Variants in XKR4 observed in about 807,000 individuals in gnomAD.
XKR4 encodes the protein XK related 4.
In XKR4, 12 loss-of-function variants were observed where a neutral mutation model predicts 53.9. The ratio of observed to expected loss-of-function variants is 0.22; its 90% CI spans 0.14 to 0.36. The LOEUF (loss-of-function observed/expected upper bound fraction) is 0.36. XKR4 is among the 10% of genes least tolerant of loss of function. XKR4 has a pLI of 1.00. For missense variants in XKR4, 799 were observed against 859.5 expected (o/e 0.93, Z 0.88); for synonymous variants, 354 against 362.4 (o/e 0.98, Z 0.26).
intron 2 of XKR4, among the ~76,000 whole-genome samples, chr8:55,377,724 C>A (rs1047918924): frequency 4.6e-5 from 7 of 152,168 alleles, no homozygotes; most frequent in African/African-American, 1.7e-4. Flanking sequence ...TGTCGTGAGG[C>A]CACCTTGATG....
intron 2 of XKR4, among the ~76,000 whole-genome samples, chr8:55,449,215 T>C (rs551868363): frequency 3.3e-5 from 5 of 152,266 alleles, no homozygotes; most frequent in Non-Finnish European, 7.4e-5. Flanking sequence ...TTATATAGAC[T>C]CTGGTTCTAG....
chr8:55,209,006 T>C (rs924219667), intron 1 of XKR4, among the ~76,000 whole-genome samples: 4 of 152,180 alleles, frequency 2.6e-5, no homozygotes, highest in Non-Finnish European at 5.9e-5. Flanking sequence ...GTCATTGGTT[T>C]TCTTGGTCTT....
intron 1 of XKR4, among the ~76,000 whole-genome samples, chr8:55,264,748 G>T (rs767757664): frequency 4.6e-5 from 7 of 152,140 alleles, no homozygotes; most frequent in Non-Finnish European, 8.8e-5. Flanking sequence ...ATTGAGAATT[G>T]CAATGCATCA....
At chr8:55,250,835 A>T (rs775856092) in intron 1 of XKR4, among the ~76,000 whole-genome samples, 12 of 152,260 alleles carry the variant, frequency 7.9e-5, no homozygotes, top group Admixed American at 2.6e-4. Context: ...AATAATTCAA[A>T]TAATCAATGA....
chr8:55,369,269 G>A (rs959239803), intron 2 of XKR4, among the ~76,000 whole-genome samples: 2 of 150,898 alleles, frequency 1.3e-5, no homozygotes, highest in African/African-American at 2.4e-5. Flanking sequence ...AGGCTAAGGT[G>A]GGAGGATCCC....
At chr8:55,398,581 C>T (rs1475096439) in intron 2 of XKR4, among the ~76,000 whole-genome samples, 1 of 152,130 alleles carries the variant, frequency 6.6e-6, no homozygotes, top group African/African-American at 2.4e-5. Context: ...TTTGCTTGGG[C>T]ATTAATTGGC....
intron 2 of XKR4, among the ~76,000 whole-genome samples, chr8:55,377,749 A>G (rs1187653111): frequency 6.6e-6 from 1 of 152,194 alleles, no homozygotes; most frequent in Non-Finnish European, 1.5e-5. Flanking sequence ...CTCCCTTGCT[A>G]CTTGTAAGGA....
intron 1 of XKR4, among the ~76,000 whole-genome samples, chr8:55,311,847 AAAAAGAAAAG>A (rs1184409275): frequency 1.5e-5 from 2 of 134,992 alleles, no homozygotes; most frequent in Non-Finnish European, 3.3e-5. Context: ...AAAAAAAAAA[AAAAAGAAAAG>A]AAAAAGAAAA....
At chr8:55,324,211 T>C (rs1803259948) in intron 1 of XKR4, among the ~76,000 whole-genome samples, 1 of 152,178 alleles carries the variant, frequency 6.6e-6, no homozygotes, top group Admixed American at 6.5e-5. Flanking sequence ...TCCTCCCACC[T>C]CAGCCTCATG....
intron 1 of XKR4, among the ~76,000 whole-genome samples, chr8:55,125,093 C>T (rs113633820): frequency 3.3e-5 from 5 of 152,260 alleles, no homozygotes; most frequent in Admixed American, 2.6e-4. Context: ...CTACAAAATG[C>T]TGTTGATGGT....
At chr8:55,497,397 T>C (rs1487385640) in intron 2 of XKR4, among the ~76,000 whole-genome samples, 1 of 152,222 alleles carries the variant, frequency 6.6e-6, no homozygotes, top group African/African-American at 2.4e-5. Context: ...TATATTTTTT[T>C]GACGTTTATA....
intron 1 of XKR4, among the ~76,000 whole-genome samples, chr8:55,242,417 G>C (rs1818223191): frequency 6.6e-6 from 1 of 152,202 alleles, no homozygotes; most frequent in African/African-American, 2.4e-5. Flanking sequence ...GAGGGAGACA[G>C]ACTGGAACTC....
intron 2 of XKR4, among the ~76,000 whole-genome samples, chr8:55,403,872 C>G (rs570947966): frequency 6.6e-6 from 1 of 152,334 alleles, no homozygotes; most frequent in Non-Finnish European, 1.5e-5. Flanking sequence ...ATGGTGTTCA[C>G]TGATGAGACC....
intron 1 of XKR4, among the ~76,000 whole-genome samples, chr8:55,219,766 C>CT (rs1185322214): frequency 5.3e-5 from 8 of 152,270 alleles, no homozygotes; most frequent in African/African-American, 1.9e-4. Context: ...TTTTTATAAT[C>CT]TTTACTCTTC....
At chr8:55,142,224 G>A (rs1200397983) in intron 1 of XKR4, 6 of 455,784 alleles carry the variant, frequency 1.3e-5, no homozygotes, top group Non-Finnish European at 2.6e-5. Flanking sequence ...AGAACTTCAT[G>A]TCATTGAAAC....
chr8:55,464,090 T>A (rs887453691), intron 2 of XKR4, among the ~76,000 whole-genome samples: 14 of 152,184 alleles, frequency 9.2e-5, no homozygotes, highest in South Asian at 8.3e-4. Flanking sequence ...TATTCCAATC[T>A]ATAGAAAAAG....
intron 1 of XKR4, among the ~76,000 whole-genome samples, chr8:55,243,371 C>T (rs902641624): frequency 2.0e-5 from 3 of 152,226 alleles, no homozygotes; most frequent in African/African-American, 7.2e-5. Flanking sequence ...CCACTGATCT[C>T]TTTATAGTCT....
At chr8:55,130,250 A>C (rs1816535597) in intron 1 of XKR4, among the ~76,000 whole-genome samples, 1 of 152,176 alleles carries the variant, frequency 6.6e-6, no homozygotes, top group South Asian at 2.1e-4. Flanking sequence ...AAAAAAAGTA[A>C]TAAAGCAGAA....
chr8:55,158,835 G>GT (rs1290269334), intron 1 of XKR4, among the ~76,000 whole-genome samples: 1 of 152,052 alleles, frequency 6.6e-6, no homozygotes, highest in Non-Finnish European at 1.5e-5. Context: ...TTCCATTGGT[G>GT]TATGTGTCTG....
Sources: gnomAD v4.1 joint callset for allele counts (sites outside exome capture counted in the v4.1 genomes callset) on GRCh38, gnomAD v4.1.1 for gene constraint, MANE v1.5 for transcripts, NCBI Gene and HGNC (gene_info 2026-07-23, HGNC 2026-07-21) for gene names.